The following TENM4 variants were observed in gnomAD, a reference collection of about 807,000 sequenced individuals.
TENM4 encodes teneurin transmembrane protein 4.
TENM4 carries 82 observed loss-of-function variants against 243.3 expected under a neutral mutation model. The observed-to-expected ratio is 0.34, with a 90% CI of 0.28 to 0.40. The LOEUF is 0.40. TENM4 is among the 10% of genes least tolerant of loss of function. TENM4 has a pLI of 1.00. For synonymous variants in TENM4, 1,412 were observed against 1,456.3 expected (o/e 0.97, Z 0.69); for missense variants, 3,138 against 3,673.3 (o/e 0.85, Z 3.77).
Position 78,771,061 on chromosome 11 carries a change from C to T in TENM4, c.2470G>A (p.Gly824Ser), listed in dbSNP as rs1303693522. The T allele has an allele frequency of 6.3e-7, 1 of 1,579,618 alleles. No individual in the cohort carries two copies. Among genetic ancestry groups the T allele is most frequent in the African/African-American group, 1.3e-5 (1 of 74,108 alleles). The change falls in exon 18 of 34, where the codon GGC becomes AGC. Residue 824 changes from glycine (G) to serine (S), a missense_variant. Coordinates refer to ENST00000278550, the MANE Select transcript of TENM4 (RefSeq NM_001098816.3). Reference protein sequence around the residue: ...LNGWHCVCQLGWRGAGCDTSM... With the variant: ...LNGWHCVCQLSWRGAGCDTSM... ...GTGTCACAGCCAGCTCCTCTCCAGCCCAGCTGGCAGACGCAGTGCCAACCA... is the reference window on the plus strand; with the variant it reads ...GTGTCACAGCCAGCTCCTCTCCAGCTCAGCTGGCAGACGCAGTGCCAACCA...
chr11:79,149,964 C>T (rs118026930), intron 3 of TENM4, among the ~76,000 whole-genome samples: 2,059 of 152,220 alleles, frequency 0.014, 43 homozygotes, highest in East Asian at 0.074. Flanking sequence ...ACAATGACCA[C>T]GTCTGTTATT....
intron 3 of TENM4, among the ~76,000 whole-genome samples, chr11:79,194,459 C>A (rs567351723): frequency 1.3e-5 from 2 of 152,090 alleles, no homozygotes; most frequent in South Asian, 4.2e-4. Flanking sequence ...ATGGCTTTGA[C>A]AAAAATGCTG....
chr11:78,949,432 G>A (rs149791979), intron 6 of TENM4, among the ~76,000 whole-genome samples: 55 of 152,330 alleles, frequency 3.6e-4, no homozygotes, highest in Non-Finnish European at 5.6e-4. Flanking sequence ...ATCAGAAGGC[G>A]TGGATTTGAA....
intron 4 of TENM4, among the ~76,000 whole-genome samples, chr11:79,104,887 T>C (rs1448224256): frequency 2.0e-5 from 3 of 152,196 alleles, no homozygotes; most frequent in Non-Finnish European, 4.4e-5. Flanking sequence ...CTTGGGCAAA[T>C]ACTGTCCAGC....
chr11:79,217,936 G>A (rs528418727), intron 2 of TENM4, among the ~76,000 whole-genome samples: 2 of 152,176 alleles, frequency 1.3e-5, no homozygotes, highest in African/African-American at 4.8e-5. Context: ...GGCTGGTCTT[G>A]GACTCCTGAC....
intron 25 of TENM4, among the ~76,000 whole-genome samples, chr11:78,719,644 T>A (rs939889588): frequency 6.6e-6 from 1 of 152,198 alleles, no homozygotes; most frequent in African/African-American, 2.4e-5. Flanking sequence ...ATGGTTACTT[T>A]CCAAGTCACC....
At chr11:79,381,924 G>T (rs1858012638) in intron 1 of TENM4, among the ~76,000 whole-genome samples, 1 of 152,078 alleles carries the variant, frequency 6.6e-6, no homozygotes, top group Admixed American at 6.6e-5. Flanking sequence ...CCTTGACAAT[G>T]GACGGGCTAT....
chr11:78,922,313 A>C (rs1286403022), intron 6 of TENM4, among the ~76,000 whole-genome samples: 1 of 152,174 alleles, frequency 6.6e-6, no homozygotes, highest in Non-Finnish European at 1.5e-5. Context: ...AAAGCCAATT[A>C]ATTTAATTAA....
At chr11:79,289,876 A>C (rs546727096) in intron 2 of TENM4, among the ~76,000 whole-genome samples, 1 of 152,362 alleles carries the variant, frequency 6.6e-6, no homozygotes, top group South Asian at 2.1e-4. Context: ...CTTGGTGGCA[A>C]GGTAATTCAA....
chr11:79,005,198 T>C (rs929821707), intron 6 of TENM4, among the ~76,000 whole-genome samples: 5 of 152,118 alleles, frequency 3.3e-5, no homozygotes, highest in African/African-American at 1.2e-4. Context: ...GAAGAGTTGA[T>C]CCATTCCTAC....
intron 3 of TENM4, among the ~76,000 whole-genome samples, chr11:79,177,288 A>G (rs1863180857): frequency 1.3e-5 from 2 of 151,874 alleles, no homozygotes; most frequent in Admixed American, 6.6e-5. Context: ...CATCATCCTT[A>G]CTTTAGTGCT....
chr11:79,006,174 A>T (rs899993154), intron 6 of TENM4, among the ~76,000 whole-genome samples: 1 of 152,042 alleles, frequency 6.6e-6, no homozygotes, highest in Non-Finnish European at 1.5e-5. Flanking sequence ...TGTTTTCCTC[A>T]CCACTTCTCT....
At chr11:79,323,373 C>T (rs554912300) in intron 1 of TENM4, among the ~76,000 whole-genome samples, 2 of 152,316 alleles carry the variant, frequency 1.3e-5, no homozygotes, top group South Asian at 4.1e-4. Flanking sequence ...ATGATGAGGA[C>T]TGAACACTTG....
intron 9 of TENM4, among the ~76,000 whole-genome samples, chr11:78,867,417 A>G (rs1031813513): frequency 6.6e-6 from 1 of 152,208 alleles, no homozygotes; most frequent in Non-Finnish European, 1.5e-5. Flanking sequence ...TTTAAATATA[A>G]GTCATGCTAG....
rs781402948 is a variant in TENM4, at chr11:78,661,455, G to C, written c.7545C>G (p.Asn2515Lys). 1.9e-6 allele frequency: 3 copies of C among 1,608,332 alleles called. No homozygotes were observed. Among genetic ancestry groups the C allele is most frequent in the Admixed American group, 3.4e-5 (2 of 59,266 alleles). The stretch of plus-strand genomic sequence containing the variant: ...AGCCTTGTGCAGGAATTACCTTGCT[G>C]TTGTCCCACTCCTGCGTTTTCATCT... ...HTQMKTQEWD[N>K]SKSILGVQCE... Residue 2515 changes from asparagine (N) to lysine (K), a missense_variant, in exon 33 of 34, where the codon AAC (asparagine) becomes AAG (lysine). This residue lies in a region of TENM4 where 2,467 missense variants were observed against 3,059.1 expected (regional missense o/e 0.81). Coordinates refer to ENST00000278550, the MANE Select transcript of TENM4 (RefSeq NM_001098816.3).
intron 19 of TENM4, among the ~76,000 whole-genome samples, chr11:78,747,759 G>C (rs1856085136): frequency 6.6e-6 from 1 of 152,200 alleles, no homozygotes; most frequent in Non-Finnish European, 1.5e-5. Context: ...ATTCTCTATT[G>C]AGGGCAATAT....
At chr11:79,016,795 T>C (rs1297173799) in intron 6 of TENM4, among the ~76,000 whole-genome samples, 2 of 152,222 alleles carry the variant, frequency 1.3e-5, no homozygotes, top group Non-Finnish European at 2.9e-5. Context: ...ATTATTTGGT[T>C]CATCAAAAGA....
chr11:78,741,319 A>AT (rs1855924745), intron 19 of TENM4, among the ~76,000 whole-genome samples: 1 of 152,164 alleles, frequency 6.6e-6, no homozygotes, highest in South Asian at 2.1e-4. Context: ...TGAAAAAAAA[A>AT]AGAAACAAAA....
chr11:79,041,180 T>C (rs976387971), intron 6 of TENM4, among the ~76,000 whole-genome samples: 3 of 152,032 alleles, frequency 2.0e-5, no homozygotes, highest in African/African-American at 7.2e-5. Flanking sequence ...TCTCCTGCCT[T>C]AGCCTCCTGA....
Sources: gnomAD v4.1 joint callset for allele counts (sites outside exome capture counted in the v4.1 genomes callset) on GRCh38, gnomAD v4.1.1 for gene constraint, gnomAD v4.1.1 regional missense constraint, MANE v1.5 for transcripts, NCBI Gene and HGNC (gene_info 2026-07-23, HGNC 2026-07-21) for gene names.